Variants in CSMD1 observed in about 807,000 individuals in gnomAD.
The protein encoded by CSMD1 is CUB and Sushi multiple domains 1.
Under a neutral mutation model 417.5 loss-of-function variants are expected in CSMD1, and 213 were observed. That is an observed-to-expected ratio of 0.51 (90% confidence interval 0.46 to 0.57). The LOEUF (loss-of-function observed/expected upper bound fraction) is 0.57, where lower values mean the gene tolerates loss of function less well. Among genes scored for constraint, CSMD1 ranks in the 20% least tolerant of loss-of-function variants. The pLI is 0.00. For missense variants in CSMD1, 6,923 were observed against 4,529.7 expected (o/e 1.53, Z -15.17); for synonymous variants, 2,862 against 1,736.8 (o/e 1.65, Z -16.11).
chr8:3,777,890 C>T (rs769653330), intron 5 of CSMD1, among the ~76,000 whole-genome samples: 4 of 151,328 alleles, frequency 2.6e-5, no homozygotes, highest in East Asian at 1.9e-4. Context: ...CCTTGAAGCG[C>T]AGAGTCTCAG....
chr8:4,245,240 T>G (rs1239559975), intron 3 of CSMD1, among the ~76,000 whole-genome samples: 1 of 152,166 alleles, frequency 6.6e-6, no homozygotes, highest in Non-Finnish European at 1.5e-5. Flanking sequence ...TCGGATGAAA[T>G]CAAGCACCTG....
chr8:3,479,969 G>C (rs1275989717), intron 11 of CSMD1, among the ~76,000 whole-genome samples: 2 of 152,114 alleles, frequency 1.3e-5, no homozygotes, highest in African/African-American at 2.4e-5. Context: ...AGCTAGATTT[G>C]CTTAATATTA....
intron 3 of CSMD1, among the ~76,000 whole-genome samples, chr8:4,344,814 T>C (rs1018061094): frequency 6.6e-6 from 1 of 152,152 alleles, no homozygotes; most frequent in Admixed American, 6.6e-5. Flanking sequence ...ATATGATATA[T>C]AGCAGCTGAT....
intron 37 of CSMD1, among the ~76,000 whole-genome samples, chr8:3,166,092 G>C (rs958453773): frequency 6.6e-6 from 1 of 152,066 alleles, no homozygotes; most frequent in Non-Finnish European, 1.5e-5. Context: ...GCAGGGTGGT[G>C]TTTGGTAATA....
chr8:3,220,202 C>A (rs1234748309), intron 28 of CSMD1, among the ~76,000 whole-genome samples: 1 of 151,516 alleles, frequency 6.6e-6, no homozygotes, highest in Non-Finnish European at 1.5e-5. Context: ...ATATTAATAG[C>A]CCCTACAATG....
At chr8:4,721,199 A>G (rs1809032176) in intron 1 of CSMD1, among the ~76,000 whole-genome samples, 2 of 152,162 alleles carry the variant, frequency 1.3e-5, no homozygotes, top group Admixed American at 1.3e-4. Context: ...CTTTGTCCCT[A>G]TCCATGTAAT....
At position 4,972,080 on chromosome 8, in the gene CSMD1, T is replaced by C. The variant is rs143530443; in HGVS notation, c.85+22252A>G. 5.5e-3 allele frequency among the ~76,000 whole-genome samples: 839 copies of C among 152,148 alleles called. 9 individuals carry two copies. The highest frequency in any genetic ancestry group is 0.019 in the African/African-American group (803 of 41,548). Reference sequence around the variant, plus strand: ...GAAGAGGTAAGCGATACCATACCCGTTTTCAAGTATGTTCAAGCCTATCTG... The same window carrying C: ...GAAGAGGTAAGCGATACCATACCCGCTTTCAAGTATGTTCAAGCCTATCTG... On this transcript the variant is annotated intron_variant, in intron 1 of 69. Transcript: ENST00000635120.
At chr8:3,229,460 A>G (rs978996831) in intron 27 of CSMD1, among the ~76,000 whole-genome samples, 1 of 152,198 alleles carries the variant, frequency 6.6e-6, no homozygotes, top group Admixed American at 6.5e-5. Flanking sequence ...AAATTGTCTC[A>G]GGTGGCTATT....
intron 2 of CSMD1, among the ~76,000 whole-genome samples, chr8:4,522,462 A>G (rs1040663253): frequency 1.2e-4 from 18 of 152,336 alleles, no homozygotes; most frequent in African/African-American, 4.1e-4. Context: ...GAGCAAGGAA[A>G]TTACAGAACA....
At chr8:4,407,833 G>A (rs1027001204) in intron 3 of CSMD1, among the ~76,000 whole-genome samples, 62 of 152,276 alleles carry the variant, frequency 4.1e-4, no homozygotes, top group African/African-American at 1.4e-3. Context: ...AAGTGTGAAA[G>A]TCTTAAAAAA....
At chr8:4,579,875 A>C (rs148517559) in intron 2 of CSMD1, among the ~76,000 whole-genome samples, 107 of 152,286 alleles carry the variant, frequency 7.0e-4, no homozygotes, top group African/African-American at 2.5e-3. Flanking sequence ...AACTTTACCT[A>C]GTTTTCCTAA....
chr8:2,979,611 ATCTCGGGCGG>A (rs1264482229), intron 54 of CSMD1, among the ~76,000 whole-genome samples: 2 of 152,234 alleles, frequency 1.3e-5, no homozygotes, highest in Admixed American at 6.5e-5. Flanking sequence ...GTGCAAATGA[ATCTCGGGCGG>A]CCTCTGCACA....
Position 4,030,878 on chromosome 8 carries a change from C to T in CSMD1, c.610+1027G>A, listed in dbSNP as rs181906111. On this transcript the variant is annotated intron_variant, in intron 4 of 69. Coordinates refer to ENST00000635120, the MANE Select transcript of CSMD1 (RefSeq NM_033225.6). Reference sequence around the variant, plus strand: ...ATTTATTCCTCCAGATACCCCAAATCATCTCTCTCAAGTTCAAAGTTCCAC... The same window carrying T: ...ATTTATTCCTCCAGATACCCCAAATTATCTCTCTCAAGTTCAAAGTTCCAC... Among the ~76,000 whole-genome samples, 131 of 152,304 alleles carry T rather than the reference C, an allele frequency of 8.6e-4. 1 individual carries two copies. Among genetic ancestry groups the T allele is most frequent in the African/African-American group, 3.1e-3 (129 of 41,562 alleles).
At chr8:4,225,883 C>T (rs971621188) in intron 3 of CSMD1, among the ~76,000 whole-genome samples, 4 of 152,084 alleles carry the variant, frequency 2.6e-5, no homozygotes, top group Non-Finnish European at 4.4e-5. Flanking sequence ...TTGGATTCTT[C>T]TATTAAGATT....
intron 12 of CSMD1, among the ~76,000 whole-genome samples, chr8:3,421,529 A>G (rs1813487989): frequency 6.6e-6 from 1 of 152,268 alleles, no homozygotes; most frequent in African/African-American, 2.4e-5. Flanking sequence ...ACAATTTTGT[A>G]GACTTTAGTA....
intron 41 of CSMD1, chr8:3,127,937 A>AGGG (rs1251122510): frequency 1.5e-5 from 2 of 133,110 alleles, no homozygotes; most frequent in African/African-American, 5.6e-5. Flanking sequence ...GAAGGAAGGG[A>AGGG]AGGAAAGAAG....
intron 5 of CSMD1, among the ~76,000 whole-genome samples, chr8:3,937,094 C>A (rs1810549745): frequency 6.6e-6 from 1 of 152,174 alleles, no homozygotes; most frequent in African/African-American, 2.4e-5. Flanking sequence ...AATTGCTGCA[C>A]TGTCATAAGA....
At chr8:4,068,049 C>G (rs1434398808) in intron 3 of CSMD1, among the ~76,000 whole-genome samples, 5 of 151,996 alleles carry the variant, frequency 3.3e-5, no homozygotes, top group Middle Eastern at 3.2e-3. Flanking sequence ...CCACTGCACT[C>G]CAGCCTGGCG....
chr8:3,227,960 G>A (rs1489020880), intron 27 of CSMD1, among the ~76,000 whole-genome samples: 1 of 151,152 alleles, frequency 6.6e-6, no homozygotes, highest in Non-Finnish European at 1.5e-5. Flanking sequence ...TAGAGATAGG[G>A]TTTCACCATG....
Sources: gnomAD v4.1 joint callset for allele counts (sites outside exome capture counted in the v4.1 genomes callset) on GRCh38, gnomAD v4.1.1 for gene constraint, MANE v1.5 for transcripts, NCBI Gene and HGNC (gene_info 2026-07-23, HGNC 2026-07-21) for gene names.